PBLD: variants seen among roughly 807,000 people sequenced by gnomAD.
The protein encoded by PBLD is phenazine biosynthesis like protein domain containing.
Under a neutral mutation model 31.3 loss-of-function variants are expected in PBLD, and 26 were observed. That is an observed-to-expected ratio of 0.83 (90% CI 0.61 to 1.15). The LOEUF (loss-of-function observed/expected upper bound fraction) is 1.15. Among genes scored for constraint, PBLD ranks in the 50% most tolerant of loss-of-function variants. The pLI, the probability that PBLD is intolerant of heterozygous loss-of-function variation, is 0.00. For synonymous variants in PBLD, 114 were observed against 129.0 expected (o/e 0.88, Z 0.79); for missense variants, 307 against 351.7 (o/e 0.87, Z 1.02).
At chr10:68,284,667 G>A (rs2044265355) in intron 9 of PBLD, among the ~76,000 whole-genome samples, 1 of 152,186 alleles carries the variant, frequency 6.6e-6, no homozygotes, top group African/African-American at 2.4e-5. Flanking sequence ...ATGAAGAAGG[G>A]TGGTCTCAGC....
At chr10:68,301,962 T>C (rs1325756482) in intron 2 of PBLD, among the ~76,000 whole-genome samples, 1 of 152,170 alleles carries the variant, frequency 6.6e-6, no homozygotes, top group African/African-American at 2.4e-5. Context: ...AGTTTAACAG[T>C]AGCAGCCCAC....
intron 4 of PBLD, among the ~76,000 whole-genome samples, chr10:68,294,049 C>T (rs1456959321): frequency 6.6e-6 from 1 of 152,180 alleles, no homozygotes; most frequent in African/African-American, 2.4e-5. Flanking sequence ...GACTCAATTC[C>T]TAAACATTTC....
At chr10:68,310,587 TCTCCCCAACCA>T (rs2044653138) in intron 1 of PBLD, among the ~76,000 whole-genome samples, 1 of 149,608 alleles carries the variant, frequency 6.7e-6, no homozygotes, top group Non-Finnish European at 1.5e-5. Context: ...TTTGGCCAGA[TCTCCCCAACCA>T]CTCCCCTCCC....
chr10:68,317,609 A>T (rs1189324327), intron 1 of PBLD, among the ~76,000 whole-genome samples: 1 of 151,944 alleles, frequency 6.6e-6, no homozygotes, highest in African/African-American at 2.4e-5. Context: ...GAGCCTGGGC[A>T]ACATGGTGAA....
chr10:68,330,904 G>A (rs1480401960), intron 1 of PBLD, among the ~76,000 whole-genome samples: 2 of 152,122 alleles, frequency 1.3e-5, no homozygotes, highest in Non-Finnish European at 2.9e-5. Context: ...TCCCAGACTG[G>A]AGTGCACTGG....
rs995606225 is a variant in PBLD at position 68,291,998 on chromosome 10, C to A, written c.423+12G>T. 4 of 1,579,274 alleles carry A rather than the reference C, an allele frequency of 2.5e-6. No homozygotes were observed. Among genetic ancestry groups the A allele is most frequent in the Non-Finnish European group, 3.5e-6 (4 of 1,148,520 alleles). On this transcript the variant is annotated intron_variant, in intron 6 of 9. Transcript: ENST00000358769. Reference sequence around the variant, plus strand: ...CAAATAACTAGGCTCAGGTTTGATTCTTTTTACCAACCTTTATCAAGTCCT... The same window carrying A: ...CAAATAACTAGGCTCAGGTTTGATTATTTTTACCAACCTTTATCAAGTCCT...
rs1311618560 is a variant in PBLD, at chr10:68,284,224, T to C, written c.820A>G (p.Ile274Val). ...ISLRPDGRVD[I>V]RGGAAVVLEG... Reference sequence around the variant, plus strand: ...AAAACAACAGCTGCACCTCCTCTAATGTCAACCCTTCCGTCTGGACGAAGG... The same window carrying C: ...AAAACAACAGCTGCACCTCCTCTAACGTCAACCCTTCCGTCTGGACGAAGG... Residue 274 changes from isoleucine to valine, a missense_variant, in exon 10 of 10, where the codon ATT (isoleucine) becomes GTT (valine). Coordinates refer to ENST00000358769, the MANE Select transcript of PBLD (RefSeq NM_022129.4). 1.2e-6 allele frequency: 2 copies of C among 1,613,944 alleles called. No homozygotes were observed.
chr10:68,308,339 T>C (rs1182932136), intron 1 of PBLD, among the ~76,000 whole-genome samples: 1 of 152,226 alleles, frequency 6.6e-6, no homozygotes, highest in Non-Finnish European at 1.5e-5. Context: ...ACCTGTTAAA[T>C]GTAAATTTTC....
At position 68,282,665 on chromosome 10, in the gene PBLD, T is replaced by C. The variant is rs866966563; in HGVS notation, c.*1512A>G. ...CAGTAAGTTAAGGCATTAAAGCTGG[T>C]GAATTATTGATTTATTGCACATCAG... On this transcript the variant is annotated 3_prime_UTR_variant, in exon 10 of 10. Transcript: ENST00000358769. 6.6e-6 allele frequency: 1 copy of C among 151,962 alleles called. No individual in the cohort carries two copies. Among genetic ancestry groups the C allele is most frequent in the African/African-American group, 2.4e-5 (1 of 41,342 alleles). The allele number at this position is 151,962 out of a possible 1,614,324, so 9.4% of individuals were successfully genotyped here.
At chr10:68,293,210 A>C (rs1287906318) in intron 4 of PBLD, among the ~76,000 whole-genome samples, 3 of 152,210 alleles carry the variant, frequency 2.0e-5, no homozygotes, top group African/African-American at 7.2e-5. Flanking sequence ...ACAACCATAG[A>C]GTCATAACCT....
At chr10:68,326,385 T>C (rs1345789889) in intron 1 of PBLD, among the ~76,000 whole-genome samples, 2 of 152,166 alleles carry the variant, frequency 1.3e-5, no homozygotes, top group East Asian at 3.8e-4. Flanking sequence ...ACTGACCTAC[T>C]AGGAATTCAG....
chr10:68,321,978 A>G (rs375651492), intron 1 of PBLD, among the ~76,000 whole-genome samples: 2 of 152,226 alleles, frequency 1.3e-5, no homozygotes, highest in Non-Finnish European at 2.9e-5. Flanking sequence ...TAACTTCCCC[A>G]GGACCCTGAG....
At chr10:68,324,186 AC>A (rs2044878318) in intron 1 of PBLD, among the ~76,000 whole-genome samples, 1 of 151,600 alleles carries the variant, frequency 6.6e-6, no homozygotes, top group Non-Finnish European at 1.5e-5. Context: ...AGCTGGGACC[AC>A]AGGTGTGCGC....
intron 8 of PBLD, chr10:68,287,438 C>T (rs2134422145): frequency 6.6e-6 from 1 of 152,292 alleles, no homozygotes; most frequent in African/African-American, 2.4e-5. Context: ...GGGCATTTTC[C>T]TGAGTCTTAA....
chr10:68,324,262 T>A lies in PBLD; in HGVS notation c.-60+8522A>T, dbSNP rs190083679. On this transcript the variant is annotated intron_variant, in intron 1 of 9. Coordinates refer to ENST00000358769, the MANE Select transcript of PBLD (RefSeq NM_022129.4). ...CACGATCTGGGCTCACTGCAACCTC[T>A]GCCTCCTGGGTTCAAGCGATTCTCC... is the stretch of plus-strand genomic sequence containing the variant. Among the ~76,000 whole-genome samples the A allele has an allele frequency of 6.5e-3, 993 of 152,192 alleles. 13 individuals are homozygous for A. The highest frequency in any genetic ancestry group is 0.023 in the African/African-American group (943 of 41,536).
chr10:68,282,782 A>C lies in PBLD; in HGVS notation c.*1395T>G, dbSNP rs1287501663. On this transcript the variant is annotated 3_prime_UTR_variant, in exon 10 of 10. Coordinates refer to ENST00000358769, the MANE Select transcript of PBLD (RefSeq NM_022129.4). ...AGAAAACATGGTAACAATTAAAGTG[A>C]AAAAATTGGGGTCATTAAAGAATGT... 6.6e-6 allele frequency: 1 copy of C among 152,226 alleles called. No individual in the cohort carries two copies. The highest frequency in any genetic ancestry group is 1.9e-4 in the East Asian group (1 of 5,198). 9.4% of individuals were successfully genotyped at this position (152,226 alleles called of 1,614,324 possible).
intron 1 of PBLD, among the ~76,000 whole-genome samples, chr10:68,312,180 C>A (rs116849907): frequency 1.6e-3 from 238 of 152,336 alleles, no homozygotes; most frequent in Non-Finnish European, 3.0e-3. Flanking sequence ...ATTTCTTCAA[C>A]GTACTGTGTT....
intron 1 of PBLD, among the ~76,000 whole-genome samples, chr10:68,318,209 A>G (rs2044763059): frequency 6.6e-6 from 1 of 152,000 alleles, no homozygotes; most frequent in African/African-American, 2.4e-5. Context: ...CCTGGGCAAC[A>G]GTGTGAGACT....
chr10:68,288,873 A>T, intron 7 of PBLD, 58 bp downstream of exon 7: 1 of 1,477,790 alleles, frequency 6.8e-7, no homozygotes, highest in Non-Finnish European at 9.5e-7. Context: ...ACTAAGGAAG[A>T]GCTATAAATC....
Sources: allele counts gnomAD v4.1 joint callset (sites outside exome capture counted in the v4.1 genomes callset), GRCh38; gene constraint gnomAD v4.1.1; transcripts MANE v1.5; gene names NCBI Gene and HGNC (gene_info 2026-07-23, HGNC 2026-07-21).